Variants in OOSP2 observed in about 807,000 individuals in gnomAD.
The protein encoded by OOSP2 is oocyte-secreted protein 2.
In OOSP2, 7 loss-of-function variants were observed where a neutral mutation model predicts 13.4. The ratio of observed to expected loss-of-function variants is 0.52; its 90% confidence interval spans 0.30 to 0.98. OOSP2 has a LOEUF of 0.98. OOSP2 is among the 50% of genes least tolerant of loss of function. The pLI, the probability that OOSP2 is intolerant of heterozygous loss-of-function variation, is 0.07. For synonymous variants in OOSP2, 75 were observed against 67.2 expected (o/e 1.12, Z -0.57); for missense variants, 184 against 188.5 (o/e 0.98, Z 0.14).
intron 2 of OOSP2, among the ~76,000 whole-genome samples, chr11:60,043,929 T>C (rs1011175321): frequency 3.3e-5 from 5 of 152,222 alleles, no homozygotes. Context: ...TTAAATTTTG[T>C]GTGATTCTTC....
chr11:60,044,730 A>G lies in OOSP2; in HGVS notation c.303A>G (p.Ile101Met), dbSNP rs369545165. The G allele has an allele frequency of 5.6e-6, 9 of 1,603,466 alleles. No individual in the cohort carries two copies. In the African/African-American group the frequency reaches 9.4e-5, roughly 17 times the overall value. The change falls in exon 3 of 4, where the codon ATA becomes ATG. Residue 101 changes from isoleucine to methionine, a missense_variant. Coordinates refer to ENST00000278855, the MANE Select transcript of OOSP2 (RefSeq NM_173801.5). ...QTELYFTPRN[I>M]DHDPQEIHLE... is the part of the protein sequence containing the mutation. ...AGCTGTACTTTACCCCAAGGAATAT[A>G]GATCATGACCCTCAGGAAATCCATT... is the stretch of plus-strand genomic sequence containing the variant.
At chr11:60,044,169 T>C (rs2134640207) in intron 2 of OOSP2, among the ~76,000 whole-genome samples, 1 of 152,356 alleles carries the variant, frequency 6.6e-6, no homozygotes, top group Middle Eastern at 3.4e-3. Context: ...TACACAAATA[T>C]TTTGGGCCAG....
chr11:60,043,186 C>G (rs913114818), intron 1 of OOSP2, among the ~76,000 whole-genome samples: 1 of 152,196 alleles, frequency 6.6e-6, no homozygotes, highest in Non-Finnish European at 1.5e-5. Context: ...TTACAGGCGT[C>G]AGCCACTGCG....
At position 60,046,989 on chromosome 11, in the gene OOSP2, A is replaced by G. The variant is rs769268900; in HGVS notation, c.393A>G (p.Lys131=). Residue 131 remains lysine, a synonymous_variant, in exon 4 of 4, where the codon AAA becomes AAG. Transcript: ENST00000278855. ...CAGTTTCTACTGAGAATGAAATAAA[A>G]TTGGATCCTAGTCCTTTTATTGCTG... ...LTPVSTENEI[K]LDPSPFIADF... is the part of the protein sequence containing the mutation. 1.2e-6 allele frequency: 2 copies of G among 1,608,004 alleles called. No individual in the cohort carries two copies. The highest frequency in any genetic ancestry group is 1.7e-6 in the Non-Finnish European group (2 of 1,174,434).
At chr11:60,043,774 C>T (rs571040294) in intron 2 of OOSP2, 127 bp downstream of exon 2, 10 of 550,802 alleles carry the variant, frequency 1.8e-5, no homozygotes, top group Admixed American at 3.0e-5. Flanking sequence ...CAGGGGACAA[C>T]GGAATTTATC....
Position 60,040,466 on chromosome 11 carries a change from T to A in OOSP2, c.7T>A (p.Leu3Ile), listed in dbSNP as rs1854913228. ...TGCTCAGACGAAGGTCTCCATGGCG[T>A]TAGAAGTCTTGATGCTCCTCGCTGT... is the stretch of plus-strand genomic sequence containing the variant. MA[L>I]EVLMLLAVLI... Residue 3 changes from leucine (L) to isoleucine (I), a missense_variant, in exon 1 of 4, where the codon TTA becomes ATA. By Grantham distance (5) the Leu-to-Ile change is conservative. Transcript: ENST00000278855. 1 of 1,595,292 alleles carries A rather than the reference T, an allele frequency of 6.3e-7. No individual in the cohort carries two copies. The highest frequency in any genetic ancestry group is 8.6e-7 in the Non-Finnish European group (1 of 1,162,826).
At chr11:60,046,375 G>A (rs893136522) in intron 3 of OOSP2, among the ~76,000 whole-genome samples, 5 of 152,094 alleles carry the variant, frequency 3.3e-5, no homozygotes, top group African/African-American at 1.2e-4. Flanking sequence ...TAGGCTGCCA[G>A]AGTAATCATG....
chr11:60,044,682 G>T lies in OOSP2; in HGVS notation c.255G>T (p.Glu85Asp). 6.5e-7 allele frequency: 1 copy of T among 1,547,872 alleles called. No homozygotes were observed. The highest frequency in any genetic ancestry group is 8.9e-7 in the Non-Finnish European group (1 of 1,121,444). The change falls in exon 3 of 4, where the codon GAG (glutamate) becomes GAT (aspartate). Residue 85 changes from glutamate to aspartate, a missense_variant. Coordinates refer to ENST00000278855, the MANE Select transcript of OOSP2 (RefSeq NM_173801.5). ...TCATGCTCTCCTAGGTAGTTTCTGA[G>T]GAAACTCTCCTTTTTCAAACCGAGC... ...DCGIRTRVVS[E>D]ETLLFQTELY...
chr11:60,043,549 G>T lies in OOSP2; in HGVS notation c.145G>T (p.Asp49Tyr). The T allele has an allele frequency of 6.2e-7, 1 of 1,611,182 alleles. No homozygotes were observed. Among genetic ancestry groups the T allele is most frequent in the Non-Finnish European group, 8.5e-7 (1 of 1,177,386 alleles). The change falls in exon 2 of 4, where the codon GAT becomes TAT. Residue 49 changes from aspartate (D) to tyrosine (Y), a missense_variant. Coordinates refer to ENST00000278855, the MANE Select transcript of OOSP2 (RefSeq NM_173801.5). The stretch of plus-strand genomic sequence containing the variant: ...AAGCAGAAATCTGTATATATTTGCG[G>T]ATGAATTACATCTGGGAATGGGCTG... ...AESRNLYIFA[D>Y]ELHLGMGCPA...
intron 1 of OOSP2, among the ~76,000 whole-genome samples, chr11:60,042,748 C>T (rs1049282363): frequency 2.6e-5 from 4 of 151,776 alleles, no homozygotes; most frequent in African/African-American, 4.8e-5. Flanking sequence ...ACCCTTTCTC[C>T]TCTTTCTCTT....
In OOSP2 at chr11:60,043,454, T is replaced by C. The variant is rs1854964436; in HGVS notation, c.65-15T>C. 1.3e-6 allele frequency: 2 copies of C among 1,585,148 alleles called. No homozygotes were observed. Among genetic ancestry groups the C allele is most frequent in the African/African-American group, 1.3e-5 (1 of 74,584 alleles). ...AGACACCCTTCTGATGCTTTTCATA[T>C]GGTTCTTTCCACAGTGAAAATAAGT... On this transcript the variant is annotated splice_polypyrimidine_tract_variant and intron_variant, in intron 1 of 3. Transcript: ENST00000278855.
chr11:60,046,825 GCTCTATGCCATA>G, intron 3 of OOSP2, 107 bp from the exon 4 acceptor site: 1 of 860,942 alleles, frequency 1.2e-6, no homozygotes. Context: ...TAGTATGCTG[GCTCTATGCCATA>G]CTCCTGAATG....
rs571172974 is a variant in OOSP2 at position 60,041,850 on chromosome 11, C to CAAAAAAAAAAA, written c.64+1337_64+1347dup. Among the ~76,000 whole-genome samples the CAAAAAAAAAAA allele has an allele frequency of 1.8e-3, 67 of 36,378 alleles. 1 individual carries two copies. Among genetic ancestry groups the CAAAAAAAAAAA allele is most frequent in the East Asian group, 4.3e-3 (4 of 930 alleles). 23.9% of individuals were successfully genotyped at this position (36,378 alleles called of 152,430 possible). A position where few individuals can be genotyped will look rare whatever the true frequency, so the allele number is the denominator to read the frequency against. On this transcript the variant is annotated intron_variant, in intron 1 of 3. Coordinates refer to ENST00000278855, the MANE Select transcript of OOSP2 (RefSeq NM_173801.5). The stretch of plus-strand genomic sequence containing the variant: ...TGGGTGACAGAGCGAGACTCTGTCT[C>CAAAAAAAAAAA]AAAAAAAAAAAAAAAAAAAAGCAAA...
Position 60,043,682 on chromosome 11 carries a change from T to C in OOSP2, c.243+35T>C, listed in dbSNP as rs755306197. 14 of 1,256,748 alleles carry C rather than the reference T, an allele frequency of 1.1e-5. 1 individual carries two copies. The South Asian group carries it at 1.9e-4, about 17-fold the overall frequency. The allele number at this position is 1,256,748 out of a possible 1,614,324, so 77.8% of individuals were successfully genotyped here. On this transcript the variant is annotated intron_variant, in intron 2 of 3. Transcript: ENST00000278855. ...GTGATTGTTTGTAAAAAATACTGCA[T>C]GTTTTGTCAGACTTTTATGCCTAGT...
At chr11:60,046,152 GGTCTCTCT>G (rs1309762629) in intron 3 of OOSP2, among the ~76,000 whole-genome samples, 1 of 143,136 alleles carries the variant, frequency 7.0e-6, no homozygotes, top group Non-Finnish European at 1.5e-5. Flanking sequence ...CTGTCTCTCT[GGTCTCTCT>G]GTCTCTCGCT....
chr11:60,043,563 G>A lies in OOSP2; in HGVS notation c.159G>A (p.Leu53=), dbSNP rs528935899. The A allele has an allele frequency of 1.8e-5, 29 of 1,609,366 alleles. No individual in the cohort carries two copies. Among genetic ancestry groups the A allele is most frequent in the African/African-American group, 1.2e-4 (9 of 74,934 alleles). ...ATATATTTGCGGATGAATTACATCT[G>A]GGAATGGGCTGCCCTGCAAATCGGA... The part of the protein sequence containing the change: ...NLYIFADELH[L]GMGCPANRIH... Residue 53 remains leucine (L), a synonymous_variant, in exon 2 of 4, where the codon CTG becomes CTA. Coordinates refer to ENST00000278855, the MANE Select transcript of OOSP2 (RefSeq NM_173801.5).
rs78572022 is a variant in OOSP2 at position 60,045,399 on chromosome 11, T to G, written c.347+625T>G. 5.5e-3 allele frequency among the ~76,000 whole-genome samples: 838 copies of G among 152,190 alleles called. 8 individuals carry two copies. Among genetic ancestry groups the G allele is most frequent in the African/African-American group, 0.019 (801 of 41,520 alleles). The stretch of plus-strand genomic sequence containing the variant: ...TTTTTTGCCATGCCATTGAAATATT[T>G]ATGTTAAGTCTTATAAATCTGAGTG... On this transcript the variant is annotated intron_variant, in intron 3 of 3. Transcript: ENST00000278855.
chr11:60,043,352 C>A, intron 1 of OOSP2, 117 bp from the exon 2 acceptor site: 1 of 554,950 alleles, frequency 1.8e-6, no homozygotes, highest in East Asian at 2.8e-5. Flanking sequence ...GCCATGGTTA[C>A]CCTTGCCAGA....
At chr11:60,046,187 TTC>T (rs1459730126) in intron 3 of OOSP2, among the ~76,000 whole-genome samples, 1 of 149,116 alleles carries the variant, frequency 6.7e-6, no homozygotes, top group African/African-American at 2.4e-5. Flanking sequence ...CTCTCTCGGT[TTC>T]TCTGTCTCTC....
Sources: allele counts gnomAD v4.1 joint callset (sites outside exome capture counted in the v4.1 genomes callset), GRCh38; gene constraint gnomAD v4.1.1; transcripts MANE v1.5; gene names NCBI Gene and HGNC (gene_info 2026-07-23, HGNC 2026-07-21).